The following KIZ variants were observed in gnomAD, a reference collection of about 807,000 sequenced individuals.
The protein encoded by KIZ is kizuna centrosomal protein, also known as centrosomal protein kizuna.
KIZ carries 68 observed loss-of-function variants against 79.6 expected under a neutral mutation model. That is an observed-to-expected ratio of 0.85 (90% CI 0.70 to 1.05). The LOEUF is 1.05. KIZ is among the 50% of genes least tolerant of loss of function. The pLI is 0.00. For missense variants in KIZ, 797 were observed against 800.4 expected (o/e 1.00, Z 0.05); for synonymous variants, 280 against 281.8 (o/e 0.99, Z 0.06).
rs536595748 is a variant in KIZ, at chr20:21,141,340, A to G, written c.316-4225A>G. ...TGGGTGTATTATTAAGCTAGCTACC[A>G]TAGTCAGCCTGGCGCCAAATCCTAC... On this transcript the variant is annotated intron_variant, in intron 3 of 12. Transcript: ENST00000619189. Among the ~76,000 whole-genome samples, 17 of 152,280 alleles carry G rather than the reference A, an allele frequency of 1.1e-4. No individual in the cohort carries two copies. In the East Asian group the frequency reaches 2.7e-3, roughly 24 times the overall value.
At chr20:21,165,533 G>A (rs1211777321) in intron 6 of KIZ, among the ~76,000 whole-genome samples, 1 of 152,216 alleles carries the variant, frequency 6.6e-6, no homozygotes, top group African/African-American at 2.4e-5. Context: ...GAAGGACAGT[G>A]TGATGAGGCT....
chr20:21,126,267 C>G, intron 1 of KIZ, 63 bp downstream of exon 1: 6 of 1,135,186 alleles, frequency 5.3e-6, no homozygotes, highest in Non-Finnish European at 7.0e-6. Context: ...CGTGCCCTGC[C>G]CCATTTTCCT....
intron 6 of KIZ, among the ~76,000 whole-genome samples, chr20:21,192,279 A>AT (rs1260846529): frequency 0.2 from 18,004 of 91,164 alleles, 2,194 homozygotes; most frequent in East Asian, 0.28. Context: ...TCATTTCTGG[A>AT]TTTTTTTTTT....
intron 1 of KIZ, among the ~76,000 whole-genome samples, chr20:21,128,731 T>C (rs1033211537): frequency 3.3e-5 from 5 of 152,236 alleles, no homozygotes; most frequent in African/African-American, 1.2e-4. Context: ...TAAGTGGAAT[T>C]GGCTCTTACG....
intron 6 of KIZ, among the ~76,000 whole-genome samples, chr20:21,175,209 C>G (rs2034382685): frequency 6.6e-6 from 1 of 152,228 alleles, no homozygotes; most frequent in Non-Finnish European, 1.5e-5. Flanking sequence ...CTACCTGTCA[C>G]TTCATTCTAA....
chr20:21,135,411 T>G (rs1027894055), intron 2 of KIZ, among the ~76,000 whole-genome samples: 52 of 152,218 alleles, frequency 3.4e-4, no homozygotes, highest in Admixed American at 3.4e-3. Context: ...GCCTTCAGTT[T>G]TTATTCAGAA....
chr20:21,211,692 C>A (rs931882402), intron 7 of KIZ, among the ~76,000 whole-genome samples: 2 of 152,210 alleles, frequency 1.3e-5, no homozygotes, highest in African/African-American at 4.8e-5. Context: ...CAGTCTCAGA[C>A]TGCAAACTCC....
At chr20:21,142,161 C>A (rs1468108688) in intron 3 of KIZ, among the ~76,000 whole-genome samples, 1 of 152,078 alleles carries the variant, frequency 6.6e-6, no homozygotes, top group Non-Finnish European at 1.5e-5. Context: ...GCATGCTGGA[C>A]AATTTGCATT....
intron 1 of KIZ, among the ~76,000 whole-genome samples, chr20:21,130,467 G>C (rs769430300): frequency 4.6e-5 from 7 of 152,142 alleles, no homozygotes; most frequent in Non-Finnish European, 1.0e-4. Flanking sequence ...AATTGATCAT[G>C]AAACTCTAGG....
chr20:21,174,521 A>G (rs1447724430), intron 6 of KIZ, among the ~76,000 whole-genome samples: 2 of 152,228 alleles, frequency 1.3e-5, no homozygotes, highest in Non-Finnish European at 2.9e-5. Flanking sequence ...TAGAAAAAGA[A>G]AAAAGAAAAG....
intron 6 of KIZ, among the ~76,000 whole-genome samples, chr20:21,183,188 G>T (rs1308905910): frequency 3.9e-5 from 6 of 152,208 alleles, no homozygotes; most frequent in Non-Finnish European, 5.9e-5. Flanking sequence ...TTTGTCCTGT[G>T]ACTGGTGGGT....
intron 9 of KIZ, among the ~76,000 whole-genome samples, chr20:21,227,519 G>GCC (rs2036695903): frequency 2.0e-5 from 3 of 152,000 alleles, no homozygotes; most frequent in African/African-American, 7.3e-5. Flanking sequence ...CTTTTTGGTT[G>GCC]ATTTTTATAA....
chr20:21,205,306 A>G (rs2035770608), intron 6 of KIZ, among the ~76,000 whole-genome samples, 185 bp from the exon 7 acceptor site: 1 of 152,206 alleles, frequency 6.6e-6, no homozygotes, highest in African/African-American at 2.4e-5. Flanking sequence ...TAGCAATGAA[A>G]TAACCAAAGT....
intron 8 of KIZ, among the ~76,000 whole-genome samples, chr20:21,215,232 A>G (rs1568985318): frequency 6.6e-6 from 1 of 152,236 alleles, no homozygotes; most frequent in Non-Finnish European, 1.5e-5. Context: ...TAACTGCTTT[A>G]ATGGTTTTCC....
chr20:21,143,765 G>A (rs1568916016), intron 3 of KIZ, among the ~76,000 whole-genome samples: 1 of 152,204 alleles, frequency 6.6e-6, no homozygotes, highest in South Asian at 2.1e-4. Flanking sequence ...TCCAGACCAG[G>A]AGATGTTACT....
intron 4 of KIZ, among the ~76,000 whole-genome samples, chr20:21,154,802 G>A (rs1196657363): frequency 6.6e-6 from 1 of 152,216 alleles, no homozygotes; most frequent in Non-Finnish European, 1.5e-5. Flanking sequence ...CAGAATTTAA[G>A]ATTAAAGAGT....
At chr20:21,165,253 G>A (rs150562788) in intron 6 of KIZ, among the ~76,000 whole-genome samples, 14 of 152,288 alleles carry the variant, frequency 9.2e-5, no homozygotes, top group African/African-American at 2.9e-4. Flanking sequence ...TAAAATCTGC[G>A]CAACATCCTG....
At chr20:21,203,425 C>T (rs2035674888) in intron 6 of KIZ, among the ~76,000 whole-genome samples, 1 of 152,164 alleles carries the variant, frequency 6.6e-6, no homozygotes, top group African/African-American at 2.4e-5. Context: ...AACCGGGCAG[C>T]ACATAATGTT....
chr20:21,221,339 A>T (rs1235752283), intron 9 of KIZ, among the ~76,000 whole-genome samples: 1 of 152,210 alleles, frequency 6.6e-6, no homozygotes, highest in Non-Finnish European at 1.5e-5. Context: ...TGTCAAATGA[A>T]TAAAAATGGG....
Sources: allele counts gnomAD v4.1 joint callset (sites outside exome capture counted in the v4.1 genomes callset), GRCh38; gene constraint gnomAD v4.1.1; transcripts MANE v1.5; gene names NCBI Gene and HGNC (gene_info 2026-07-23, HGNC 2026-07-21).